The following TMEM135 variants were observed in gnomAD, a reference collection of about 807,000 sequenced individuals.
The protein encoded by TMEM135 is peroxisomal membrane protein 52.
Under a neutral mutation model 60.3 loss-of-function variants are expected in TMEM135, and 30 were observed. The ratio of observed to expected loss-of-function variants is 0.50; its 90% CI spans 0.37 to 0.68. The LOEUF is 0.68. TMEM135 is among the 30% of genes least tolerant of loss of function. The pLI, the probability that TMEM135 is intolerant of heterozygous loss-of-function variation, is 0.00. For synonymous variants in TMEM135, 190 were observed against 186.7 expected (o/e 1.02, Z -0.14); for missense variants, 468 against 548.8 (o/e 0.85, Z 1.47).
At chr11:87,244,076 G>A (rs1234553052) in intron 6 of TMEM135, among the ~76,000 whole-genome samples, 1 of 85,310 alleles carries the variant, frequency 1.2e-5, no homozygotes. Flanking sequence ...GTTGAATTTT[G>A]TCAAAGGCCT....
chr11:87,169,272 C>G (rs1289185944), intron 5 of TMEM135, among the ~76,000 whole-genome samples: 1 of 147,446 alleles, frequency 6.8e-6, no homozygotes, highest in African/African-American at 2.5e-5. Flanking sequence ...CAGTCTGTGT[C>G]TTTTAATTGG....
At chr11:87,281,685 T>G (rs544903422) in intron 6 of TMEM135, among the ~76,000 whole-genome samples, 1 of 152,304 alleles carries the variant, frequency 6.6e-6, no homozygotes, top group African/African-American at 2.4e-5. Context: ...ATACTTCCCT[T>G]CCCTATTGAC....
In TMEM135 at chr11:87,304,336, T is replaced by C. The variant is rs1942499018; in HGVS notation, c.699-1600T>C. Among the ~76,000 whole-genome samples the C allele has an allele frequency of 2.6e-5, 4 of 152,234 alleles. No individual in the cohort carries two copies. In the South Asian group the frequency reaches 8.3e-4, roughly 32 times the overall value. ...CGGTGATCTATGATCATTATGATCATGCCAATGCACTCCAGCTTGGGTGAC... is the reference window on the plus strand; with the variant it reads ...CGGTGATCTATGATCATTATGATCACGCCAATGCACTCCAGCTTGGGTGAC... On this transcript the variant is annotated intron_variant, in intron 8 of 14. Coordinates refer to ENST00000305494, the MANE Select transcript of TMEM135 (RefSeq NM_022918.4).
intron 1 of TMEM135, among the ~76,000 whole-genome samples, chr11:87,039,152 A>C (rs942015640): frequency 1.3e-5 from 2 of 152,194 alleles, no homozygotes; most frequent in African/African-American, 4.8e-5. Flanking sequence ...TTTATACCCT[A>C]ATGTTCCTGA....
intron 9 of TMEM135, among the ~76,000 whole-genome samples, chr11:87,307,499 A>G (rs1200334821): frequency 2.6e-5 from 4 of 152,114 alleles, no homozygotes; most frequent in African/African-American, 9.7e-5. Context: ...GGGAACTAAG[A>G]GGAGTATTTG....
At chr11:87,305,396 G>T (rs1272071522) in intron 8 of TMEM135, among the ~76,000 whole-genome samples, 1 of 152,084 alleles carries the variant, frequency 6.6e-6, no homozygotes, top group African/African-American at 2.4e-5. Flanking sequence ...TGTGTCAAAT[G>T]GTAAGCAGCA....
intron 6 of TMEM135, among the ~76,000 whole-genome samples, chr11:87,263,165 T>C (rs1345480896): frequency 6.6e-6 from 1 of 152,118 alleles, no homozygotes; most frequent in Admixed American, 6.5e-5. Flanking sequence ...GTGGTCCTAT[T>C]TGGAGTAGTG....
intron 12 of TMEM135, 152 bp from the exon 13 acceptor site, chr11:87,317,985 C>T: frequency 1.5e-6 from 1 of 660,512 alleles, no homozygotes; most frequent in Non-Finnish European, 2.7e-6. Flanking sequence ...AAGGGCTGAC[C>T]CTTAACATCA....
At chr11:87,188,941 C>CTTCATAACTAT (rs1339254832) in intron 5 of TMEM135, among the ~76,000 whole-genome samples, 7 of 152,044 alleles carry the variant, frequency 4.6e-5, no homozygotes, top group African/African-American at 1.4e-4. Flanking sequence ...TCAACTTATT[C>CTTCATAACTAT]TTCATAACTA....
At chr11:87,131,444 T>C (rs778277834) in intron 4 of TMEM135, among the ~76,000 whole-genome samples, 1 of 152,130 alleles carries the variant, frequency 6.6e-6, no homozygotes, top group Admixed American at 6.6e-5. Context: ...CTGCTGGGGA[T>C]AGGGAATGTG....
At chr11:87,126,349 G>A (rs750509785) in intron 4 of TMEM135, among the ~76,000 whole-genome samples, 1 of 151,818 alleles carries the variant, frequency 6.6e-6, no homozygotes, top group Non-Finnish European at 1.5e-5. Context: ...ATAAAATAGT[G>A]TCAAAAACAT....
At chr11:87,055,806 T>C (rs1301544806) in intron 1 of TMEM135, among the ~76,000 whole-genome samples, 3 of 152,076 alleles carry the variant, frequency 2.0e-5, no homozygotes, top group Non-Finnish European at 4.4e-5. Context: ...GTCAGGCTGG[T>C]CTCGAACTTC....
intron 3 of TMEM135, among the ~76,000 whole-genome samples, chr11:87,074,431 G>A (rs1531147): frequency 0.35 from 47,743 of 136,930 alleles, 8,729 homozygotes; most frequent in East Asian, 0.66. Context: ...TAGAAAAACT[G>A]TGTATATTGG....
At chr11:87,318,843 A>C (rs577175731) in intron 13 of TMEM135, among the ~76,000 whole-genome samples, 15 of 151,792 alleles carry the variant, frequency 9.9e-5, no homozygotes, top group Non-Finnish European at 2.1e-4. Context: ...CTATTCACTT[A>C]ATTATTATTT....
intron 5 of TMEM135, among the ~76,000 whole-genome samples, chr11:87,216,207 G>A (rs189117186): frequency 2.6e-5 from 4 of 152,140 alleles, no homozygotes; most frequent in Non-Finnish European, 5.9e-5. Context: ...GATAAGGGGG[G>A]ACTACAGTCT....
chr11:87,217,498 A>AT (rs1940526936), intron 5 of TMEM135, among the ~76,000 whole-genome samples: 1 of 152,114 alleles, frequency 6.6e-6, no homozygotes, highest in Non-Finnish European at 1.5e-5. Context: ...CTAAAAAGGG[A>AT]TTTGGGGCCG....
intron 6 of TMEM135, among the ~76,000 whole-genome samples, chr11:87,253,890 A>G (rs954204875): frequency 1.3e-5 from 2 of 152,022 alleles, no homozygotes; most frequent in Non-Finnish European, 2.9e-5. Flanking sequence ...CAAAAAATTG[A>G]TAATTCTTAT....
chr11:87,128,405 T>C (rs1409335835), intron 4 of TMEM135, among the ~76,000 whole-genome samples: 1 of 152,224 alleles, frequency 6.6e-6, no homozygotes, highest in African/African-American at 2.4e-5. Context: ...TGCAGATTTC[T>C]GATACTTGTA....
chr11:87,120,472 C>CTTTT (rs541561365), intron 4 of TMEM135, among the ~76,000 whole-genome samples: 2 of 104,254 alleles, frequency 1.9e-5, no homozygotes, highest in African/African-American at 7.4e-5. Flanking sequence ...GATGAAATTT[C>CTTTT]TTTTTTTTTT....
Sources: gnomAD v4.1 joint callset for allele counts (sites outside exome capture counted in the v4.1 genomes callset) on GRCh38, gnomAD v4.1.1 for gene constraint, MANE v1.5 for transcripts, NCBI Gene and HGNC (gene_info 2026-07-23, HGNC 2026-07-21) for gene names.